The following CNTN4 variants were observed in gnomAD, a reference collection of about 807,000 sequenced individuals.
The protein encoded by CNTN4 is contactin-4.
CNTN4 carries 77 observed loss-of-function variants against 122.5 expected under a neutral mutation model. The observed-to-expected ratio is 0.63, with a 90% CI of 0.52 to 0.76. CNTN4 has a LOEUF of 0.76. Among genes scored for constraint, CNTN4 ranks in the 30% least tolerant of loss-of-function variants. The pLI, the probability that CNTN4 is intolerant of heterozygous loss-of-function variation, is 0.00. For synonymous variants in CNTN4, 512 were observed against 447.0 expected (o/e 1.15, Z -1.83); for missense variants, 1,256 against 1,259.1 (o/e 1.00, Z 0.04).
At chr3:3,053,236 T>C (rs1030267476) in intron 23 of CNTN4, among the ~76,000 whole-genome samples, 1 of 152,182 alleles carries the variant, frequency 6.6e-6, no homozygotes, top group Non-Finnish European at 1.5e-5. Flanking sequence ...GGTTTCGCCA[T>C]GTTGGTCAGG....
chr3:2,844,497 C>T (rs182672343), intron 7 of CNTN4, among the ~76,000 whole-genome samples: 222 of 152,208 alleles, frequency 1.5e-3, no homozygotes, highest in African/African-American at 4.9e-3. Context: ...CCGGTAAGGA[C>T]GCCTCGATGG....
intron 6 of CNTN4, among the ~76,000 whole-genome samples, chr3:2,746,006 A>G (rs1421306809): frequency 2.5e-5 from 2 of 78,758 alleles, no homozygotes; most frequent in East Asian, 8.0e-4. Flanking sequence ...ATTTATGTAA[A>G]CAACAAATTT....
intron 3 of CNTN4, among the ~76,000 whole-genome samples, chr3:2,498,134 AAT>A (rs1465367399): frequency 2.6e-5 from 4 of 152,138 alleles, no homozygotes; most frequent in African/African-American, 9.7e-5. Flanking sequence ...TATTTTTGCA[AAT>A]ATATATGAAT....
intron 4 of CNTN4, 42 bp downstream of exon 4, chr3:2,571,600 T>C (rs760163203): frequency 2.1e-6 from 3 of 1,412,748 alleles, no homozygotes; most frequent in Non-Finnish European, 2.0e-6. Flanking sequence ...GAAATGCCAC[T>C]GTATTTCACA....
At chr3:2,468,494 T>C (rs1200939007) in intron 3 of CNTN4, among the ~76,000 whole-genome samples, 2 of 152,182 alleles carry the variant, frequency 1.3e-5, no homozygotes, top group African/African-American at 4.8e-5. Context: ...ATTATTACAT[T>C]TCAGAAATGC....
intron 4 of CNTN4, among the ~76,000 whole-genome samples, chr3:2,580,143 G>C (rs1420218859): frequency 1.3e-5 from 2 of 152,078 alleles, no homozygotes; most frequent in Non-Finnish European, 2.9e-5. Context: ...AGTAACAGTT[G>C]TTATTAATAT....
chr3:2,627,070 G>A (rs942797316), intron 4 of CNTN4, among the ~76,000 whole-genome samples: 29 of 152,128 alleles, frequency 1.9e-4, no homozygotes, highest in African/African-American at 6.0e-4. Context: ...ACATGTTGTT[G>A]AGGTAGGATA....
rs541390451 is a variant in CNTN4 at position 2,444,452 on chromosome 3, G to A, written c.-89+105219G>A. ...GAGAACTCTTCAGGCAGAAGGGGCA[G>A]CCTTCTTGGAAGCTCATTTACCGTA... is the stretch of plus-strand genomic sequence containing the variant. On this transcript the variant is annotated intron_variant, in intron 3 of 24. Transcript: ENST00000418658. Among the ~76,000 whole-genome samples the A allele has an allele frequency of 3.9e-5, 6 of 152,204 alleles. No individual in the cohort carries two copies. The South Asian group carries it at 1.2e-3, about 32-fold the overall frequency.
intron 4 of CNTN4, among the ~76,000 whole-genome samples, chr3:2,645,696 T>C (rs1031269831): frequency 2.0e-4 from 30 of 152,204 alleles, no homozygotes; most frequent in African/African-American, 7.2e-4. Context: ...ATGTGAAAGA[T>C]TTTACTTAAA....
chr3:3,028,088 C>G (rs911546926), intron 15 of CNTN4, among the ~76,000 whole-genome samples: 1 of 152,078 alleles, frequency 6.6e-6, no homozygotes, highest in Admixed American at 6.6e-5. Context: ...GATAAGCAAG[C>G]GCAATTTTGA....
At position 2,616,129 on chromosome 3, in the gene CNTN4, C is replaced by T. The variant is rs2081721240; in HGVS notation, c.55+44571C>T. 1.3e-5 allele frequency among the ~76,000 whole-genome samples: 2 copies of T among 151,484 alleles called. 1 individual carries two copies. The highest frequency in any genetic ancestry group is 4.2e-4 in the South Asian group (2 of 4,794). On this transcript the variant is annotated intron_variant, in intron 4 of 24. Transcript: ENST00000418658. ...CTTGCTGCACCTATTGATCCGTCAT[C>T]TAGCTGCCCTCCCCTAACCCCCCAT...
chr3:2,952,738 T>C (rs2124872976), intron 13 of CNTN4, among the ~76,000 whole-genome samples: 1 of 152,308 alleles, frequency 6.6e-6, no homozygotes, highest in African/African-American at 2.4e-5. Flanking sequence ...CAGTTTCTTC[T>C]TTAGAACTGC....
chr3:2,888,771 C>T (rs1284937651), intron 10 of CNTN4, among the ~76,000 whole-genome samples: 4 of 151,666 alleles, frequency 2.6e-5, no homozygotes, highest in Non-Finnish European at 1.5e-5. Flanking sequence ...ATACACAGAA[C>T]CCATGAAACT....
chr3:2,691,728 G>A (rs1238679732), intron 4 of CNTN4, among the ~76,000 whole-genome samples: 3 of 152,104 alleles, frequency 2.0e-5, no homozygotes, highest in East Asian at 3.9e-4. Flanking sequence ...TATGTATTTT[G>A]ACTAGCAAAT....
intron 4 of CNTN4, among the ~76,000 whole-genome samples, chr3:2,726,548 G>A (rs563873490): frequency 7.2e-5 from 11 of 152,244 alleles, no homozygotes; most frequent in African/African-American, 2.2e-4. Context: ...ATGCCAGTAG[G>A]GAAGCACCAT....
At chr3:2,361,275 A>T (rs898306795) in intron 3 of CNTN4, among the ~76,000 whole-genome samples, 1 of 152,180 alleles carries the variant, frequency 6.6e-6, no homozygotes, top group African/African-American at 2.4e-5. Flanking sequence ...ATTTGTATTA[A>T]TACAGTTGTT....
chr3:2,101,154 G>C (rs1244104281), intron 2 of CNTN4, among the ~76,000 whole-genome samples: 1 of 152,052 alleles, frequency 6.6e-6, no homozygotes, highest in African/African-American at 2.4e-5. Context: ...AAATGATGTT[G>C]GATTTTTTAT....
chr3:2,739,613 A>T (rs924276930), intron 5 of CNTN4, among the ~76,000 whole-genome samples: 13 of 152,214 alleles, frequency 8.5e-5, no homozygotes, highest in Non-Finnish European at 1.2e-4. Context: ...CAGAGGAAGC[A>T]AAACTTTACC....
chr3:2,251,121 T>C (rs2040361211), intron 2 of CNTN4, among the ~76,000 whole-genome samples: 2 of 151,880 alleles, frequency 1.3e-5, no homozygotes, highest in African/African-American at 4.8e-5. Flanking sequence ...TGACCAATTA[T>C]TAAAATGCAT....
Sources: allele counts gnomAD v4.1 joint callset (sites outside exome capture counted in the v4.1 genomes callset), GRCh38; gene constraint gnomAD v4.1.1; transcripts MANE v1.5; gene names NCBI Gene and HGNC (gene_info 2026-07-23, HGNC 2026-07-21).